Variants in DLC1 observed in about 807,000 individuals in gnomAD.
The protein encoded by DLC1 is rho GTPase-activating protein 7.
A neutral mutation model predicts 140.3 loss-of-function variants in DLC1; 54 were observed. The ratio of observed to expected loss-of-function variants is 0.38; its 90% CI spans 0.31 to 0.48. The LOEUF (loss-of-function observed/expected upper bound fraction) is 0.48. Ranked by LOEUF, DLC1 falls within the 20% of genes least tolerant of loss-of-function variation. The pLI, the probability that DLC1 is intolerant of heterozygous loss-of-function variation, is 0.96. For missense variants in DLC1, 2,536 were observed against 1,907.0 expected, an observed-to-expected ratio of 1.33 and a Z score of -6.14; for synonymous variants, 986 against 728.1, an observed-to-expected ratio of 1.35 and a Z score of -5.70.
intron 4 of DLC1, among the ~76,000 whole-genome samples, chr8:13,331,438 T>C (rs1013045031): frequency 2.0e-5 from 3 of 152,122 alleles, no homozygotes; most frequent in Non-Finnish European, 2.9e-5. Flanking sequence ...CCAAAGAAGA[T>C]TGAGTAAAGA....
At chr8:13,396,505 C>G (rs1325956629) in intron 3 of DLC1, among the ~76,000 whole-genome samples, 1 of 152,150 alleles carries the variant, frequency 6.6e-6, no homozygotes, top group Non-Finnish European at 1.5e-5. Flanking sequence ...CAAGGCTTTA[C>G]AACCATTATC....
chr8:13,531,529 T>A (rs1803097292), intron 1 of DLC1, among the ~76,000 whole-genome samples: 1 of 152,124 alleles, frequency 6.6e-6, no homozygotes, highest in Non-Finnish European at 1.5e-5. Flanking sequence ...CAGGTTGCAG[T>A]GAGCCAAGAT....
chr8:13,322,103 T>G (rs2064656443), intron 4 of DLC1, among the ~76,000 whole-genome samples: 1 of 152,196 alleles, frequency 6.6e-6, no homozygotes, highest in Non-Finnish European at 1.5e-5. Flanking sequence ...TTTTAAGAAC[T>G]GTAATAAATT....
intron 4 of DLC1, among the ~76,000 whole-genome samples, chr8:13,332,133 A>G (rs1454946): frequency 0.33 from 50,720 of 152,128 alleles, 8,813 homozygotes; most frequent in East Asian, 0.4. Flanking sequence ...ATTTTTCTTA[A>G]TGCCCCTTTA....
chr8:13,506,928 T>C (rs534862851), intron 1 of DLC1, among the ~76,000 whole-genome samples: 1 of 152,132 alleles, frequency 6.6e-6, no homozygotes, highest in South Asian at 2.1e-4. Context: ...TGATATGAAA[T>C]CTTACTGTAT....
chr8:13,240,178 C>G (rs1481394112), intron 5 of DLC1, among the ~76,000 whole-genome samples: 1 of 152,146 alleles, frequency 6.6e-6, no homozygotes, highest in African/African-American at 2.4e-5. Context: ...GGGCATATCT[C>G]TGTGCAGTTT....
intron 4 of DLC1, among the ~76,000 whole-genome samples, chr8:13,308,756 C>T (rs949539443): frequency 2.6e-5 from 4 of 151,960 alleles, no homozygotes; most frequent in South Asian, 2.1e-4. Flanking sequence ...AAAAAGAGTG[C>T]GAAGAATATA....
rs1189263090 is a variant in DLC1 at position 13,466,162 on chromosome 8, C to T, written c.1023+32887G>A. Among the ~76,000 whole-genome samples the T allele has an allele frequency of 2.0e-5, 3 of 152,158 alleles. No homozygotes were observed. The East Asian group carries it at 5.8e-4, about 29-fold the overall frequency. ...CTTGTTCTAAACCTACCAGTTAGAA[C>T]CCCCATGGGAATCCTGCTTAGGTAA... On this transcript the variant is annotated intron_variant, in intron 2 of 17. Transcript: ENST00000276297.
At position 13,181,504 on chromosome 8, in the gene DLC1, C is replaced by T. The variant is rs183497310; in HGVS notation, c.1349-65847G>A. On this transcript the variant is annotated intron_variant, in intron 5 of 17. Transcript: ENST00000276297. ...CTCCCCCAGCCCCCCACCCCATGTC[C>T]GGTCCCGGTGTGTGATGTTTCCCAC... Among the ~76,000 whole-genome samples the T allele has an allele frequency of 3.9e-4, 58 of 147,194 alleles. No homozygotes were observed. In the East Asian group the frequency reaches 8.4e-3, roughly 21 times the overall value.
chr8:13,247,345 A>T lies in DLC1; in HGVS notation c.1348+57924T>A, dbSNP rs56273564. Among the ~76,000 whole-genome samples, 724 of 152,316 alleles carry T rather than the reference A, an allele frequency of 4.8e-3. 10 individuals carry two copies. The highest frequency in any genetic ancestry group is 0.015 in the African/African-American group (643 of 41,572). On this transcript the variant is annotated intron_variant, in intron 5 of 17. Coordinates refer to ENST00000276297, the MANE Select transcript of DLC1 (RefSeq NM_182643.3). ...GCCAACACTTTGCAAAGCAGTATCA[A>T]CTATAGAAGACACAATACCTTTCAA...
chr8:13,283,442 T>C (rs1467420772), intron 5 of DLC1, among the ~76,000 whole-genome samples: 1 of 152,166 alleles, frequency 6.6e-6, no homozygotes, highest in Non-Finnish European at 1.5e-5. Context: ...TGATACCAAC[T>C]CTGCATATGG....
At chr8:13,420,618 A>T (rs1001067221) in intron 2 of DLC1, among the ~76,000 whole-genome samples, 3 of 151,828 alleles carry the variant, frequency 2.0e-5, no homozygotes, top group African/African-American at 7.3e-5. Context: ...TGTTCCCCTC[A>T]TTGTTCAACT....
intron 2 of DLC1, among the ~76,000 whole-genome samples, chr8:13,417,050 G>C (rs1330618122): frequency 6.6e-6 from 1 of 152,020 alleles, no homozygotes; most frequent in Non-Finnish European, 1.5e-5. Flanking sequence ...TAGTTAAAAT[G>C]ACTGATCAGT....
chr8:13,213,542 A>G (rs1328446539), intron 5 of DLC1, among the ~76,000 whole-genome samples: 2 of 152,186 alleles, frequency 1.3e-5, no homozygotes, highest in Non-Finnish European at 2.9e-5. Context: ...AAAAAACACT[A>G]ATGAGTTGGC....
At chr8:13,285,115 G>A (rs1729149) in intron 5 of DLC1, among the ~76,000 whole-genome samples, 103,816 of 152,024 alleles carry the variant, frequency 0.68, 36,118 homozygotes, top group East Asian at 0.94. Context: ...GATTTACACT[G>A]CCTGATTCCA....
chr8:13,437,087 T>A (rs1839154455), intron 2 of DLC1, among the ~76,000 whole-genome samples: 1 of 152,230 alleles, frequency 6.6e-6, no homozygotes, highest in Non-Finnish European at 1.5e-5. Flanking sequence ...GAACTTCTAC[T>A]TTCTCCTCAA....
At chr8:13,535,896 T>G (rs1803262711) in intron 1 of DLC1, 1 of 152,132 alleles carries the variant, frequency 6.6e-6, no homozygotes, top group Non-Finnish European at 1.5e-5. Context: ...GCCATGCATT[T>G]ATTTGTGGGT....
intron 7 of DLC1, among the ~76,000 whole-genome samples, chr8:13,105,642 G>A (rs1819501153): frequency 6.7e-6 from 1 of 149,122 alleles, no homozygotes; most frequent in African/African-American, 2.5e-5. Flanking sequence ...AGGCTGGAGT[G>A]CAGTGGCTCA....
rs147586608 is a variant in DLC1 at position 13,377,679 on chromosome 8, CATA to C, written c.1314+15871_1314+15873del. ...ACAAGCCCTGAAACGTCTATATTTT[CATA>C]ACATTACAAGTCATGAAACGTCTTC... On this transcript the variant is annotated intron_variant, in intron 4 of 17. Transcript: ENST00000276297. 1.4e-3 allele frequency among the ~76,000 whole-genome samples: 219 copies of C among 152,218 alleles called. 3 individuals are homozygous for C. The highest frequency in any genetic ancestry group is 3.7e-3 in the African/African-American group (152 of 41,548).
Sources: gnomAD v4.1 joint callset for allele counts (sites outside exome capture counted in the v4.1 genomes callset) on GRCh38, gnomAD v4.1.1 for gene constraint, MANE v1.5 for transcripts, NCBI Gene and HGNC (gene_info 2026-07-23, HGNC 2026-07-21) for gene names.